Variants in SPON1 observed in about 807,000 individuals in gnomAD.
The protein encoded by SPON1 is spondin-1.
In SPON1, 52 loss-of-function variants were observed where a neutral mutation model predicts 111.7. That is an observed-to-expected ratio of 0.47 (90% CI 0.37 to 0.59). The LOEUF (loss-of-function observed/expected upper bound fraction) is 0.59, where lower values mean the gene tolerates loss of function less well. Ranked by LOEUF, SPON1 falls within the 20% of genes least tolerant of loss-of-function variation. SPON1 has a pLI of 0.00. For missense variants in SPON1, 957 were observed against 1,068.5 expected (o/e 0.90, Z 1.46); for synonymous variants, 410 against 395.8 (o/e 1.04, Z -0.43).
At chr11:14,161,901 C>A (rs1554931389) in intron 6 of SPON1, among the ~76,000 whole-genome samples, 1 of 151,528 alleles carries the variant, frequency 6.6e-6, no homozygotes, top group African/African-American at 2.4e-5. Flanking sequence ...GCCTGTAATC[C>A]CAGCACTTTG....
chr11:14,234,094 C>T (rs1261778502), intron 6 of SPON1, among the ~76,000 whole-genome samples: 1 of 152,092 alleles, frequency 6.6e-6, no homozygotes, highest in Non-Finnish European at 1.5e-5. Context: ...AGGATGTGTT[C>T]CCATGGGGTA....
chr11:14,038,753 G>A (rs1554916948), intron 2 of SPON1, among the ~76,000 whole-genome samples: 1 of 152,198 alleles, frequency 6.6e-6, no homozygotes, highest in African/African-American at 2.4e-5. Flanking sequence ...GTTGCTGGTG[G>A]AAATGCAAAA....
intron 2 of SPON1, among the ~76,000 whole-genome samples, chr11:13,984,696 G>A (rs1418809364): frequency 1.3e-5 from 2 of 152,166 alleles, no homozygotes; most frequent in African/African-American, 2.4e-5. Context: ...TCAAACCATA[G>A]CAGCACTGTT....
chr11:13,984,780 C>T (rs1027802135), intron 2 of SPON1, among the ~76,000 whole-genome samples: 2 of 152,162 alleles, frequency 1.3e-5, no homozygotes, highest in East Asian at 3.9e-4. Flanking sequence ...CTTGTTCTTG[C>T]AACTGATTGG....
intron 6 of SPON1, among the ~76,000 whole-genome samples, chr11:14,150,953 G>A (rs782238053): frequency 3.3e-5 from 5 of 152,154 alleles, no homozygotes; most frequent in African/African-American, 9.7e-5. Context: ...CAGGATAGCA[G>A]TTTTTGTTGT....
intron 3 of SPON1, among the ~76,000 whole-genome samples, chr11:14,045,376 A>T (rs1848660881): frequency 6.6e-6 from 1 of 152,092 alleles, no homozygotes; most frequent in South Asian, 2.1e-4. Flanking sequence ...CGGGAGTTCG[A>T]GACCAGCCTG....
chr11:14,250,845 A>G (rs1849045783), intron 7 of SPON1, among the ~76,000 whole-genome samples: 1 of 152,218 alleles, frequency 6.6e-6, no homozygotes, highest in Non-Finnish European at 1.5e-5. Flanking sequence ...AATACTTTGA[A>G]GTGATGCTTA....
chr11:13,999,646 A>T (rs1848300927), intron 2 of SPON1, among the ~76,000 whole-genome samples: 1 of 152,122 alleles, frequency 6.6e-6, no homozygotes, highest in African/African-American at 2.4e-5. Flanking sequence ...ACCTCAGGTG[A>T]TCTGCCCACC....
intron 2 of SPON1, among the ~76,000 whole-genome samples, chr11:14,010,101 T>A (rs1848392546): frequency 6.6e-6 from 1 of 152,086 alleles, no homozygotes; most frequent in Non-Finnish European, 1.5e-5. Flanking sequence ...GATAATGGAA[T>A]AATGGCAAGG....
chr11:13,970,231 T>C (rs1484521455), intron 1 of SPON1, among the ~76,000 whole-genome samples: 1 of 152,158 alleles, frequency 6.6e-6, no homozygotes, highest in African/African-American at 2.4e-5. Context: ...GGGGTGCAGA[T>C]AGGACAGGGC....
In SPON1 at chr11:14,259,663, A is replaced by C; in HGVS notation, c.1793A>C (p.Glu598Ala). ...NPADGSMCKA[E>A]TSQAEKCMMP... ...GCAGATGGCTCCATGTGCAAAGCCG[A>C]GACATCACAGGCAGAGAAGTGCATG... Residue 598 changes from glutamate to alanine, a missense_variant, in exon 13 of 16, where the codon GAG becomes GCG. Glu to Ala is a moderately radical substitution (Grantham distance 107). Transcript: ENST00000576479. This position sits in a 1 kb window ranked among gnomAD's most constrained non-coding sequence, Gnocchi z 5.0. 1 of 1,571,846 alleles carries C rather than the reference A, an allele frequency of 6.4e-7. No individual in the cohort carries two copies. Among genetic ancestry groups the C allele is most frequent in the South Asian group, 1.2e-5 (1 of 85,098 alleles).
chr11:14,161,287 T>TTATATAGTTATATATATCTA, intron 6 of SPON1, among the ~76,000 whole-genome samples: 1 of 60,008 alleles, frequency 1.7e-5, no homozygotes, highest in South Asian at 4.6e-4. Flanking sequence ...CTATATATAT[T>TTATATAGTTATATATATCTA]TATATATTTA....
intron 5 of SPON1, among the ~76,000 whole-genome samples, chr11:14,083,770 G>T (rs1161747470): frequency 6.6e-6 from 1 of 152,174 alleles, no homozygotes; most frequent in Non-Finnish European, 1.5e-5. Context: ...TCTGGGTTTT[G>T]CTTGAAAGCT....
rs1848153580 is a variant in SPON1, at chr11:13,982,720, A to G, written c.239-127A>G. The G allele has an allele frequency of 4.5e-6, 3 of 674,082 alleles. No individual in the cohort carries two copies. The East Asian group carries it at 8.2e-5, about 18-fold the overall frequency. The allele number at this position is 674,082 out of a possible 1,614,324, so 41.8% of individuals were successfully genotyped here. ...TCTCACCTCAATGGATGAAGGCCTCAACACTGTCCACGGCCTCTGTAACTC... is the reference window on the plus strand; with the variant it reads ...TCTCACCTCAATGGATGAAGGCCTCGACACTGTCCACGGCCTCTGTAACTC... On this transcript the variant is annotated intron_variant, in intron 1 of 15. Coordinates refer to ENST00000576479, the MANE Select transcript of SPON1 (RefSeq NM_006108.4).
chr11:14,020,030 A>G (rs1554914649), intron 2 of SPON1, among the ~76,000 whole-genome samples: 1 of 152,232 alleles, frequency 6.6e-6, no homozygotes, highest in Non-Finnish European at 1.5e-5. Flanking sequence ...GGTTTAGACC[A>G]GTCATGATTC....
intron 3 of SPON1, among the ~76,000 whole-genome samples, chr11:14,066,776 G>A (rs1848835721): frequency 6.6e-6 from 1 of 152,148 alleles, no homozygotes; most frequent in African/African-American, 2.4e-5. Context: ...GGGACCCTCT[G>A]GTTCCCAAAT....
At chr11:13,972,088 C>T (rs1848067487) in intron 1 of SPON1, among the ~76,000 whole-genome samples, 1 of 152,166 alleles carries the variant, frequency 6.6e-6, no homozygotes, top group Non-Finnish European at 1.5e-5. Context: ...ACTAAAATGC[C>T]CCATTTCTTT....
At chr11:14,157,751 C>T (rs948665922) in intron 6 of SPON1, among the ~76,000 whole-genome samples, 22 of 151,982 alleles carry the variant, frequency 1.4e-4, no homozygotes, top group Admixed American at 7.9e-4. Flanking sequence ...CATACTTTAG[C>T]GTGGATATTT....
At chr11:14,049,859 C>T (rs1848695460) in intron 3 of SPON1, among the ~76,000 whole-genome samples, 1 of 152,004 alleles carries the variant, frequency 6.6e-6, no homozygotes, top group Admixed American at 6.6e-5. Flanking sequence ...AGATGCTGTC[C>T]CAGACCCTGA....
Sources: gnomAD v4.1 joint callset for allele counts (sites outside exome capture counted in the v4.1 genomes callset) on GRCh38, gnomAD v4.1.1 for gene constraint, Gnocchi (gnomAD v3.1) non-coding constraint, MANE v1.5 for transcripts, NCBI Gene and HGNC (gene_info 2026-07-23, HGNC 2026-07-21) for gene names.